The following GPR107 variants were observed in gnomAD, a reference collection of about 807,000 sequenced individuals.
The protein encoded by GPR107 is G protein-coupled receptor 107, also known as protein GPR107.
GPR107 carries 31 observed loss-of-function variants against 75.5 expected under a neutral mutation model. The observed-to-expected ratio is 0.41, with a 90% CI of 0.31 to 0.55. The LOEUF is 0.55. Ranked by LOEUF, GPR107 falls within the 20% of genes least tolerant of loss-of-function variation. The probability of loss-of-function intolerance (pLI) is 0.26; values close to 1 mark genes in which losing one functional copy is unlikely to be tolerated. For synonymous variants in GPR107, 267 were observed against 251.3 expected, an observed-to-expected ratio of 1.06 and a Z score of -0.59; for missense variants, 572 against 665.7, an observed-to-expected ratio of 0.86 and a Z score of 1.55.
At chr9:130,094,506 G>A (rs1446256465) in intron 9 of GPR107, among the ~76,000 whole-genome samples, 6 of 152,106 alleles carry the variant, frequency 3.9e-5, no homozygotes, top group African/African-American at 7.2e-5. Flanking sequence ...CCAAGGGTTC[G>A]AGGCTGTAGT....
intron 1 of GPR107, among the ~76,000 whole-genome samples, chr9:130,074,448 TA>T (rs1194967875): frequency 1.3e-5 from 2 of 152,138 alleles, no homozygotes; most frequent in African/African-American, 2.4e-5. Flanking sequence ...AATCTCAATA[TA>T]AAAATTGTTA....
rs144564453 is a variant in GPR107 at position 130,138,376 on chromosome 9, G to C, written c.*3255G>C. The C allele has an allele frequency of 6.6e-6, 1 of 151,994 alleles. No homozygotes were observed. The highest frequency in any genetic ancestry group is 2.4e-5 in the African/African-American group (1 of 41,264). 9.4% of individuals were successfully genotyped at this position (151,994 alleles called of 1,614,324 possible). On this transcript the variant is annotated 3_prime_UTR_variant, in exon 18 of 18. Coordinates refer to ENST00000347136, the MANE Select transcript of GPR107 (RefSeq NM_020960.5). ...TTTCCTCCTGCGTGATGACCTCATC[G>C]CCATCTCTGCTGTCTCATTCCACAG... is the stretch of plus-strand genomic sequence containing the variant.
chr9:130,069,394 G>T (rs1463770428), intron 1 of GPR107, among the ~76,000 whole-genome samples: 1 of 152,166 alleles, frequency 6.6e-6, no homozygotes, highest in East Asian at 1.9e-4. Flanking sequence ...AACCTCCATT[G>T]CCTGTGTCAG....
In GPR107 at chr9:130,110,487, C is replaced by T. The variant is rs554377084; in HGVS notation, c.1306+2948C>T. The stretch of plus-strand genomic sequence containing the variant: ...ACATCTGCTAAGGAAGCACCCATTT[C>T]TCATCAGCAAATATCACAAATACTC... On this transcript the variant is annotated intron_variant, in intron 14 of 17. Coordinates refer to ENST00000347136, the MANE Select transcript of GPR107 (RefSeq NM_020960.5). 47 of 826,202 alleles carry T rather than the reference C, an allele frequency of 5.7e-5. No individual in the cohort carries two copies. In the African/African-American group the frequency reaches 7.9e-4, roughly 14 times the overall value. 51.2% of individuals were successfully genotyped at this position (826,202 alleles called of 1,614,324 possible). A position where few individuals can be genotyped will look rare whatever the true frequency, so the allele number is the denominator to read the frequency against.
intron 14 of GPR107, among the ~76,000 whole-genome samples, chr9:130,108,618 G>T (rs1831217749): frequency 6.6e-6 from 1 of 152,198 alleles, no homozygotes; most frequent in South Asian, 2.1e-4. Context: ...CAGCCTGTGT[G>T]CAAGTCATAC....
intron 1 of GPR107, among the ~76,000 whole-genome samples, chr9:130,059,555 T>G (rs1417467219): frequency 2.0e-5 from 3 of 152,142 alleles, no homozygotes; most frequent in Admixed American, 6.5e-5. Context: ...TATTTTGATA[T>G]TACCTGTAAA....
At chr9:130,054,167 T>A (rs1829666417) in intron 1 of GPR107, 94 bp downstream of exon 1, 2 of 1,190,570 alleles carry the variant, frequency 1.7e-6, no homozygotes, top group African/African-American at 1.6e-5. Flanking sequence ...TCTGAGCCAC[T>A]GGACCACCTC....
Position 130,104,232 on chromosome 9 carries a change from G to C in GPR107, c.1132-188G>C, listed in dbSNP as rs371345490. Among the ~76,000 whole-genome samples, 6 of 152,286 alleles carry C rather than the reference G, an allele frequency of 3.9e-5. No individual in the cohort carries two copies. In the South Asian group the frequency reaches 6.2e-4, roughly 16 times the overall value. ...GCAATTACGGCCTGTGCAGATTCAG[G>C]GGGGTGGCATAGAGACTCTCCTTGA... On this transcript the variant is annotated intron_variant, in intron 12 of 17. Coordinates refer to ENST00000347136, the MANE Select transcript of GPR107 (RefSeq NM_020960.5).
chr9:130,071,038 T>TTC (rs1554891203), intron 1 of GPR107, among the ~76,000 whole-genome samples: 39 of 137,668 alleles, frequency 2.8e-4, no homozygotes, highest in African/African-American at 6.9e-4. Context: ...TTTTTTTCTT[T>TTC]TTTTTTTTTT....
chr9:130,133,620 T>G (rs1831882800), intron 17 of GPR107, among the ~76,000 whole-genome samples: 3 of 152,188 alleles, frequency 2.0e-5, no homozygotes, highest in Admixed American at 2.0e-4. Flanking sequence ...AGTGTCTTCC[T>G]AAAGAGGCCA....
chr9:130,061,138 C>T (rs561650319), intron 1 of GPR107, among the ~76,000 whole-genome samples: 24 of 152,230 alleles, frequency 1.6e-4, no homozygotes, highest in Admixed American at 3.9e-4. Flanking sequence ...TTTTATATAC[C>T]GGGTGGGCAC....
At chr9:130,090,312 C>A (rs1239757176) in intron 7 of GPR107, among the ~76,000 whole-genome samples, 1 of 152,000 alleles carries the variant, frequency 6.6e-6, no homozygotes, top group Non-Finnish European at 1.5e-5. Flanking sequence ...GAAAATGTAG[C>A]CTTTATTATT....
intron 4 of GPR107, among the ~76,000 whole-genome samples, chr9:130,078,905 TATTAGG>T (rs1350267490): frequency 1.3e-5 from 2 of 152,142 alleles, no homozygotes; most frequent in African/African-American, 4.8e-5. Flanking sequence ...TGGAAATGGA[TATTAGG>T]AGGCAACTAA....
chr9:130,108,943 A>C (rs1831228055), intron 14 of GPR107: 1 of 313,506 alleles, frequency 3.2e-6, no homozygotes, highest in Non-Finnish European at 6.2e-6. Context: ...CATTAGAAAA[A>C]CCCAAGGTAG....
intron 1 of GPR107, among the ~76,000 whole-genome samples, chr9:130,060,318 C>T (rs1030232016): frequency 8.6e-5 from 13 of 151,964 alleles, no homozygotes; most frequent in Non-Finnish European, 7.4e-5. Flanking sequence ...CCACTTTGGC[C>T]TCCCGAAGTG....
At chr9:130,074,653 A>G (rs1830296842) in intron 1 of GPR107, among the ~76,000 whole-genome samples, 1 of 151,724 alleles carries the variant, frequency 6.6e-6, no homozygotes, top group Non-Finnish European at 1.5e-5. Flanking sequence ...TATCCAAAAG[A>G]CTCTGTCTCC....
At chr9:130,057,613 A>C (rs1488854783) in intron 1 of GPR107, among the ~76,000 whole-genome samples, 1 of 151,890 alleles carries the variant, frequency 6.6e-6, no homozygotes, top group African/African-American at 2.4e-5. Flanking sequence ...TGTCACCCTC[A>C]ATAACCATCA....
rs144273102 is a variant in GPR107 at position 130,103,727 on chromosome 9, A to G, written c.1132-693A>G. ...GGCATTGTGGCTAAATAGGGTGTTA[A>G]GTGCCACCTATCCAGCAGTCCAGCA... is the stretch of plus-strand genomic sequence containing the variant. On this transcript the variant is annotated intron_variant, in intron 12 of 17. Transcript: ENST00000347136. The surrounding 1 kb of genome is among the most constrained non-coding windows in gnomAD (Gnocchi z 4.3). 6.0e-3 allele frequency among the ~76,000 whole-genome samples: 912 copies of G among 152,320 alleles called. 6 individuals carry two copies. The highest frequency in any genetic ancestry group is 9.0e-3 in the Non-Finnish European group (612 of 68,032).
At chr9:130,055,946 CAAATAAATAAAT>C (rs143338115) in intron 1 of GPR107, among the ~76,000 whole-genome samples, 4 of 150,932 alleles carry the variant, frequency 2.7e-5, no homozygotes, top group African/African-American at 9.7e-5. Flanking sequence ...TACTCTGTCT[CAAATAAATAAAT>C]AAATAAATAA....
Sources: gnomAD v4.1 joint callset for allele counts (sites outside exome capture counted in the v4.1 genomes callset) on GRCh38, gnomAD v4.1.1 for gene constraint, Gnocchi (gnomAD v3.1) non-coding constraint, MANE v1.5 for transcripts, NCBI Gene and HGNC (gene_info 2026-07-23, HGNC 2026-07-21) for gene names.